TNR: variants seen among roughly 807,000 people sequenced by gnomAD.
TNR encodes the protein tenascin-R.
TNR carries 45 observed loss-of-function variants against 150.4 expected under a neutral mutation model. That is an observed-to-expected ratio of 0.30 (90% CI 0.24 to 0.38). The LOEUF (loss-of-function observed/expected upper bound fraction) is 0.38. TNR is among the 10% of genes least tolerant of loss of function. The pLI, the probability that TNR is intolerant of heterozygous loss-of-function variation, is 1.00. For missense variants in TNR, 1,544 were observed against 1,759.1 expected (o/e 0.88, Z 2.19); for synonymous variants, 687 against 678.4 (o/e 1.01, Z -0.20).
intron 1 of TNR, among the ~76,000 whole-genome samples, chr1:175,557,952 A>T (rs1268599064): frequency 9.6e-6 from 1 of 104,184 alleles, no homozygotes; most frequent in African/African-American, 3.6e-5. Flanking sequence ...ATAAAAAATG[A>T]TGAGTTCGTG....
Position 175,393,762 on chromosome 1 carries a change from G to T in TNR, c.1356+18C>A. On this transcript the variant is annotated intron_variant, in intron 6 of 22. Coordinates refer to ENST00000367674, the MANE Select transcript of TNR (RefSeq NM_003285.3). ...ATTCCAAATAAGTCTGTTTGGCAGT[G>T]TAACAGGTGAGTGTTACCTTTGGAA... is the stretch of plus-strand genomic sequence containing the variant. 6.3e-7 allele frequency: 1 copy of T among 1,583,296 alleles called. No individual in the cohort carries two copies. The highest frequency in any genetic ancestry group is 8.7e-7 in the Non-Finnish European group (1 of 1,151,822).
At chr1:175,509,498 T>C (rs1469573122) in intron 2 of TNR, among the ~76,000 whole-genome samples, 3 of 152,210 alleles carry the variant, frequency 2.0e-5, no homozygotes, top group Admixed American at 2.0e-4. Context: ...TATTTCACAG[T>C]TGCCTGGGCA....
At chr1:175,377,345 C>T (rs773358984) in intron 9 of TNR, among the ~76,000 whole-genome samples, 50 of 152,260 alleles carry the variant, frequency 3.3e-4, no homozygotes, top group Admixed American at 1.3e-3. Context: ...GGCGCATCCT[C>T]CATCTGAACA....
chr1:175,643,547 G>T (rs1285179801), intron 1 of TNR, among the ~76,000 whole-genome samples: 2 of 152,124 alleles, frequency 1.3e-5, no homozygotes, highest in Non-Finnish European at 2.9e-5. Context: ...AAGACAAGAC[G>T]CTGTTATTAT....
chr1:175,330,197 A>T lies in TNR; in HGVS notation c.3670T>A (p.Tyr1224Asn). ...TCCCGCATGTCCACGCGCAGCTCAT[A>T]GCGGCCCTGGGATGTGATCCTGTGT... ...NIHRITSQGR[Y>N]ELRVDMRDGQ... The change falls in exon 21 of 23, where the codon TAT (tyrosine) becomes AAT (asparagine). Residue 1224 changes from tyrosine (Y) to asparagine (N), a missense_variant. Physicochemically the swap from Tyr to Asn is moderately radical, Grantham distance 143 (BLOSUM62 -2). Coordinates refer to ENST00000367674, the MANE Select transcript of TNR (RefSeq NM_003285.3). 6.2e-7 allele frequency: 1 copy of T among 1,611,090 alleles called. No homozygotes were observed. The highest frequency in any genetic ancestry group is 8.5e-7 in the Non-Finnish European group (1 of 1,177,786).
chr1:175,734,153 T>C (rs878895369), intron 1 of TNR, among the ~76,000 whole-genome samples: 4 of 152,168 alleles, frequency 2.6e-5, no homozygotes, highest in Non-Finnish European at 5.9e-5. Flanking sequence ...ATGGGGAGAA[T>C]GTATGTCAAC....
At chr1:175,404,144 CTCT>C (rs1653847282) in intron 3 of TNR, among the ~76,000 whole-genome samples, 1 of 152,158 alleles carries the variant, frequency 6.6e-6, no homozygotes, top group Non-Finnish European at 1.5e-5. Context: ...CTCATTCTCT[CTCT>C]GGGCAGCCCA....
intron 1 of TNR, among the ~76,000 whole-genome samples, chr1:175,580,285 C>A (rs1053229897): frequency 6.6e-6 from 1 of 152,128 alleles, no homozygotes; most frequent in Non-Finnish European, 1.5e-5. Context: ...TTTTTGTATG[C>A]CCCGTAGAAC....
intron 1 of TNR, among the ~76,000 whole-genome samples, chr1:175,656,143 T>A (rs1481962547): frequency 9.8e-5 from 7 of 71,170 alleles, no homozygotes; most frequent in Middle Eastern, 6.1e-3. Flanking sequence ...AAGGTTGAAG[T>A]GTGTGTGTGT....
chr1:175,383,760 C>T (rs1261144168), intron 8 of TNR, among the ~76,000 whole-genome samples: 3 of 152,166 alleles, frequency 2.0e-5, no homozygotes, highest in African/African-American at 7.2e-5. Flanking sequence ...GGTCTGGGTA[C>T]CCTCTCATCA....
At chr1:175,560,692 T>A (rs1558006919) in intron 1 of TNR, among the ~76,000 whole-genome samples, 1 of 152,212 alleles carries the variant, frequency 6.6e-6, no homozygotes, top group Non-Finnish European at 1.5e-5. Flanking sequence ...GGCTGTACAA[T>A]CTGAAATCTG....
chr1:175,728,092 A>G (rs1441121623), intron 1 of TNR, among the ~76,000 whole-genome samples: 3 of 152,220 alleles, frequency 2.0e-5, no homozygotes, highest in African/African-American at 7.2e-5. Context: ...ATTGGGTTTA[A>G]CCAGGTTGGG....
chr1:175,666,764 A>G (rs770740460), intron 1 of TNR, among the ~76,000 whole-genome samples: 13 of 152,174 alleles, frequency 8.5e-5, no homozygotes, highest in Admixed American at 3.9e-4. Context: ...GTTATTGTTT[A>G]TAGAGACAGG....
At chr1:175,333,716 A>G (rs1280463343) in intron 20 of TNR, among the ~76,000 whole-genome samples, 1 of 152,234 alleles carries the variant, frequency 6.6e-6, no homozygotes, top group Non-Finnish European at 1.5e-5. Context: ...CATAGCAGAG[A>G]CAGACAGGAA....
At chr1:175,424,204 G>A (rs2102064444) in intron 2 of TNR, among the ~76,000 whole-genome samples, 1 of 152,258 alleles carries the variant, frequency 6.6e-6, no homozygotes, top group East Asian at 1.9e-4. Flanking sequence ...TATCTCCGGG[G>A]AAGCACTGCC....
chr1:175,369,962 C>T (rs762638238), intron 9 of TNR, among the ~76,000 whole-genome samples: 2 of 152,168 alleles, frequency 1.3e-5, no homozygotes, highest in Non-Finnish European at 2.9e-5. Flanking sequence ...AATGCAGTCC[C>T]GAAGCCCTGT....
In TNR at chr1:175,482,111, T is replaced by A. The variant is rs1306209427; in HGVS notation, c.-64+46158A>T. ...CAAGAGCAGACACAGTTTTCTTTTA[T>A]CTTTAGGTATTAGCAACTGGCACAA... is the stretch of plus-strand genomic sequence containing the variant. On this transcript the variant is annotated intron_variant, in intron 2 of 22. Coordinates refer to ENST00000367674, the MANE Select transcript of TNR (RefSeq NM_003285.3). Among the ~76,000 whole-genome samples the A allele has an allele frequency of 3.9e-5, 6 of 152,358 alleles. No homozygotes were observed. The East Asian group carries it at 9.7e-4, about 25-fold the overall frequency.
At position 175,648,653 on chromosome 1, in the gene TNR, C is replaced by T. The variant is rs1664871550; in HGVS notation, c.-165+94573G>A. On this transcript the variant is annotated intron_variant, in intron 1 of 22. Coordinates refer to ENST00000367674, the MANE Select transcript of TNR (RefSeq NM_003285.3). The stretch of plus-strand genomic sequence containing the variant: ...TCGGCTTTCCTTCCCTGTCCAGAAG[C>T]CCTTTCTCCTTCTGTGGCAGCAAAC... Among the ~76,000 whole-genome samples, 3 of 152,170 alleles carry T rather than the reference C, an allele frequency of 2.0e-5. No individual in the cohort carries two copies. The South Asian group carries it at 6.2e-4, about 32-fold the overall frequency.
At chr1:175,739,325 A>G (rs936738406) in intron 1 of TNR, among the ~76,000 whole-genome samples, 1 of 152,224 alleles carries the variant, frequency 6.6e-6, no homozygotes, top group African/African-American at 2.4e-5. Context: ...AATCTGCCAG[A>G]AACTCTGATT....
Sources: gnomAD v4.1 joint callset for allele counts (sites outside exome capture counted in the v4.1 genomes callset) on GRCh38, gnomAD v4.1.1 for gene constraint, MANE v1.5 for transcripts, NCBI Gene and HGNC (gene_info 2026-07-23, HGNC 2026-07-21) for gene names.